The following CDK11B variants were observed in gnomAD, a reference collection of about 807,000 sequenced individuals.
CDK11B encodes cyclin dependent kinase 11B.
A neutral mutation model predicts 84.0 loss-of-function variants in CDK11B; 37 were observed. The observed-to-expected ratio is 0.44, with a 90% confidence interval of 0.34 to 0.58. The LOEUF (loss-of-function observed/expected upper bound fraction) is 0.58. CDK11B is among the 20% of genes least tolerant of loss of function. CDK11B has a pLI of 0.02. For synonymous variants in CDK11B, 269 were observed against 309.8 expected (o/e 0.87, Z 1.38); for missense variants, 427 against 834.0 (o/e 0.51, Z 6.01).
chr1:1,648,934 G>A (rs113005436), intron 5 of CDK11B, among the ~76,000 whole-genome samples: 1,543 of 151,680 alleles, frequency 0.01, 31 homozygotes, highest in African/African-American at 0.034. Flanking sequence ...GCGCCCGGCC[G>A]GACATGCAGA....
At position 1,655,325 on chromosome 1, in the gene CDK11B, G is replaced by C. The variant is rs780341751; in HGVS notation, c.227+44C>G. On this transcript the variant is annotated intron_variant, in intron 3 of 19. Coordinates refer to ENST00000341832, the MANE Select transcript of CDK11B (RefSeq NM_033486.3). The stretch of plus-strand genomic sequence containing the variant: ...ACCCTAGGAAGGACCGGCCAGGCCA[G>C]GGCTGTGTACAGCTGGGTCTTGCAC... 4.4e-6 allele frequency: 7 copies of C among 1,600,782 alleles called. No individual in the cohort carries two copies. In the Admixed American group the frequency reaches 1.0e-4, roughly 23 times the overall value.
chr1:1,654,012 G>GCAA lies in CDK11B; in HGVS notation c.227+1354_227+1356dup, dbSNP rs140962435. ...CGACAGGGTAAGACTCTGTGTCAAA[G>GCAA]CAACAACAACAACAACAAAACAATC... On this transcript the variant is annotated intron_variant, in intron 3 of 19. Coordinates refer to ENST00000341832, the MANE Select transcript of CDK11B (RefSeq NM_033486.3). 16 of 398,804 alleles carry GCAA rather than the reference G, an allele frequency of 4.0e-5. 1 individual carries two copies. The highest frequency in any genetic ancestry group is 8.3e-5 in the African/African-American group (4 of 48,000). 24.7% of individuals were successfully genotyped at this position (398,804 alleles called of 1,614,324 possible).
rs1437367605 is a variant in CDK11B at position 1,637,795 on chromosome 1, G to A, written c.1431C>T (p.Leu477=). The A allele has an allele frequency of 2.0e-5, 32 of 1,613,652 alleles. No individual in the cohort carries two copies. Among genetic ancestry groups the A allele is most frequent in the Non-Finnish European group, 2.5e-5 (30 of 1,179,698 alleles). The change falls in exon 13 of 20, where the codon CTC becomes CTT. Residue 477 remains leucine (L), a synonymous_variant. Transcript: ENST00000341832. ...TGACGATGTTGGGATGCTGGGCCTT[G>A]AGGATGGTGTTGATCTCCCTCAGCG... is the stretch of plus-strand genomic sequence containing the variant. ...ITSLREINTI[L]KAQHPNIVTV... is the part of the protein sequence containing the mutation.
Position 1,652,456 on chromosome 1 carries a change from C to A in CDK11B, c.338G>T (p.Ser113Ile). 6.7e-7 allele frequency: 1 copy of A among 1,502,568 alleles called. No individual in the cohort carries two copies. Among genetic ancestry groups the A allele is most frequent in the Non-Finnish European group, 8.8e-7 (1 of 1,135,378 alleles). The allele number at this position is 1,502,568 out of a possible 1,614,324, so 93.1% of individuals were successfully genotyped here. A position where few individuals can be genotyped will look rare whatever the true frequency, so the allele number is the denominator to read the frequency against. ...TTCTGTACCCCCTTCTGCTGAATGG[C>A]TACGATGCCTACGTTTCTCTTTTCT... is the stretch of plus-strand genomic sequence containing the variant. ...EKRKEKRRHR[S>I]HSAEGGKHAR... The change falls in exon 4 of 20, where the codon AGC (serine) becomes ATC (isoleucine). Residue 113 changes from serine (S) to isoleucine (I), a missense_variant. By Grantham distance (142) the Ser-to-Ile change is moderately radical. This residue lies in a region of CDK11B where 71 missense variants were observed against 66.2 expected (regional missense o/e 1.07). Coordinates refer to ENST00000341832, the MANE Select transcript of CDK11B (RefSeq NM_033486.3).
At chr1:1,637,991 A>C in intron 12 of CDK11B, 108 bp from the exon 13 acceptor site, 1 of 1,527,732 alleles carries the variant, frequency 6.5e-7, no homozygotes, top group Non-Finnish European at 8.9e-7. Context: ...CCAGCATTTC[A>C]CGGAGGGGGG....
At position 1,641,247 on chromosome 1, in the gene CDK11B, G is replaced by C. The variant is rs1251607455; in HGVS notation, c.1010-134C>G. On this transcript the variant is annotated intron_variant, in intron 9 of 19. Transcript: ENST00000341832. ...ATGCAGGCCGGGCGCGGTGGCTCAC[G>C]CCTGTAATCCCAGCGCTTTGGGAGG... 1.6e-5 allele frequency: 23 copies of C among 1,442,452 alleles called. 1 individual carries two copies. Among genetic ancestry groups the C allele is most frequent in the Non-Finnish European group, 2.1e-5 (22 of 1,058,782 alleles). 89.4% of individuals were successfully genotyped at this position (1,442,452 alleles called of 1,614,324 possible).
At position 1,650,077 on chromosome 1, in the gene CDK11B, T is replaced by C. The variant is rs1367872085; in HGVS notation, c.356-440A>G. Among the ~76,000 whole-genome samples, 1,206 of 151,210 alleles carry C rather than the reference T, an allele frequency of 8.0e-3. 29 individuals carry two copies. The highest frequency in any genetic ancestry group is 0.025 in the African/African-American group (1,041 of 41,170). On this transcript the variant is annotated intron_variant, in intron 4 of 19. Coordinates refer to ENST00000341832, the MANE Select transcript of CDK11B (RefSeq NM_033486.3). ...TCACAAGGTCAGATCGGGACCATCC[T>C]GGCTAACACGGTGAAACCCCATCTC...
Position 1,636,960 on chromosome 1 carries a change from C to T in CDK11B, c.1737G>A (p.Lys579=), listed in dbSNP as rs1454542145. 2 of 1,610,464 alleles carry T rather than the reference C, an allele frequency of 1.2e-6. No individual in the cohort carries two copies. The highest frequency in any genetic ancestry group is 1.7e-6 in the Non-Finnish European group (2 of 1,177,982). The change falls in exon 16 of 20, where the codon AAG becomes AAA. Residue 579 remains lysine (K), a synonymous_variant. Transcript: ENST00000341832. Reference sequence around the variant, plus strand: ...GGGTCACCACGACCGGGGTGTAGGCCTTCAGAGGGGATCCGTACTCCCGCG... The same window carrying T: ...GGGTCACCACGACCGGGGTGTAGGCTTTCAGAGGGGATCCGTACTCCCGCG... ...GLAREYGSPL[K]AYTPVVVTLW...
chr1:1,652,716 C>A lies in CDK11B; in HGVS notation c.228-150G>T, dbSNP rs1381930585. ...TTAAAAAATTACATTAATTCTCCAA[C>A]TTTAGGCATCTTTTTTTTCTTTTTT... is the stretch of plus-strand genomic sequence containing the variant. On this transcript the variant is annotated intron_variant, in intron 3 of 19. Coordinates refer to ENST00000341832, the MANE Select transcript of CDK11B (RefSeq NM_033486.3). The A allele has an allele frequency of 1.2e-5, 7 of 595,898 alleles. No homozygotes were observed. The South Asian group carries it at 1.6e-4, about 13-fold the overall frequency. 36.9% of individuals were successfully genotyped at this position (595,898 alleles called of 1,614,324 possible).
intron 4 of CDK11B, among the ~76,000 whole-genome samples, chr1:1,650,792 C>T (rs1397605040): frequency 1.3e-5 from 2 of 150,998 alleles, no homozygotes; most frequent in Non-Finnish European, 1.5e-5. Context: ...CTGCACCCAG[C>T]CGAATAATCA....
At chr1:1,648,401 C>T (rs1304388308) in intron 5 of CDK11B, among the ~76,000 whole-genome samples, 1 of 152,212 alleles carries the variant, frequency 6.6e-6, no homozygotes, top group Admixed American at 6.5e-5. Context: ...GCAGCGGTCT[C>T]GGACCTTGAC....
At position 1,654,661 on chromosome 1, in the gene CDK11B, C is replaced by G. The variant is rs199733526; in HGVS notation, c.227+708G>C. Among the ~76,000 whole-genome samples the G allele has an allele frequency of 5.5e-5, 7 of 126,174 alleles. No individual in the cohort carries two copies. In the South Asian group the frequency reaches 1.7e-3, roughly 30 times the overall value. 82.8% of individuals were successfully genotyped at this position (126,174 alleles called of 152,430 possible). On this transcript the variant is annotated intron_variant, in intron 3 of 19. Transcript: ENST00000341832. ...TTTATTTGTGCAAAATCTTTTTTTT[C>G]CTTTTTTTTTTTTTAGAGGCGGGGT...
At chr1:1,647,565 G>A (rs550211169) in intron 5 of CDK11B, among the ~76,000 whole-genome samples, 6 of 152,300 alleles carry the variant, frequency 3.9e-5, no homozygotes, top group African/African-American at 7.2e-5. Flanking sequence ...CTTGGCCCAC[G>A]GCTGTGTGTG....
In CDK11B at chr1:1,658,913, C is replaced by A. The variant is rs547480192; in HGVS notation, c.-14+1G>T. ...ACCTGGTCCGCCCAGTCGGAACTCA[C>A]CCCTACGCCGCCGCCGCTGCCGCCG... On this transcript the variant is annotated splice_donor_variant, in intron 1 of 19. Transcript: ENST00000341832. LOFTEE classifies it low-confidence loss of function (5UTR_SPLICE). 1.4e-4 allele frequency: 28 copies of A among 194,002 alleles called. No individual in the cohort carries two copies. The highest frequency in any genetic ancestry group is 2.3e-4 in the Non-Finnish European group (22 of 94,040). 12.0% of individuals were successfully genotyped at this position (194,002 alleles called of 1,614,324 possible).
intron 13 of CDK11B, 101 bp from the exon 14 acceptor site, chr1:1,637,614 C>A: frequency 1.2e-6 from 2 of 1,608,550 alleles, no homozygotes; most frequent in African/African-American, 2.7e-5. Context: ...TCCGGTGCCA[C>A]CCGGGAGGCA....
In CDK11B at chr1:1,637,556, C is replaced by T. The variant is rs746773824; in HGVS notation, c.1465-43G>A. On this transcript the variant is annotated intron_variant, in intron 13 of 19. Coordinates refer to ENST00000341832, the MANE Select transcript of CDK11B (RefSeq NM_033486.3). ...GTGGGTGCTGGGCACCTCCAGGCCCCCACCCACCCCTGCACCCGGGTGCAG... is the reference window on the plus strand; with the variant it reads ...GTGGGTGCTGGGCACCTCCAGGCCCTCACCCACCCCTGCACCCGGGTGCAG... 4 of 1,608,882 alleles carry T rather than the reference C, an allele frequency of 2.5e-6. No homozygotes were observed. In the East Asian group the frequency reaches 6.7e-5, roughly 27 times the overall value.
chr1:1,649,426 C>A, intron 5 of CDK11B, 73 bp downstream of exon 5: 1 of 1,197,324 alleles, frequency 8.4e-7, no homozygotes, highest in East Asian at 2.3e-5. Context: ...TTGCCAAATT[C>A]TTCTTCATTT....
chr1:1,649,359 C>T, intron 5 of CDK11B, 140 bp downstream of exon 5: 2 of 630,760 alleles, frequency 3.2e-6, no homozygotes, highest in Non-Finnish European at 2.7e-6. Context: ...CCTCGGCCTC[C>T]CAAAGTGCTG....
At position 1,656,793 on chromosome 1, in the gene CDK11B, T is replaced by C. The variant is rs146125257; in HGVS notation, c.111+582A>G. 1.5e-3 allele frequency among the ~76,000 whole-genome samples: 224 copies of C among 152,138 alleles called. 3 individuals carry two copies. Among genetic ancestry groups the C allele is most frequent in the African/African-American group, 5.2e-3 (217 of 41,536 alleles). ...AAGTGAGCACATGCTATTGGAAAAA[T>C]GCTCAATGCAGAGTTGCTACAAACC... On this transcript the variant is annotated intron_variant, in intron 2 of 19. Transcript: ENST00000341832.
Sources: gnomAD v4.1 joint callset for allele counts (sites outside exome capture counted in the v4.1 genomes callset) on GRCh38, gnomAD v4.1.1 for gene constraint, gnomAD v4.1.1 regional missense constraint, MANE v1.5 for transcripts, NCBI Gene and HGNC (gene_info 2026-07-23, HGNC 2026-07-21) for gene names.